The following RGS6 variants were observed in gnomAD, a reference collection of about 807,000 sequenced individuals.
RGS6 encodes the protein regulator of G-protein signaling 6.
A neutral mutation model predicts 78.5 loss-of-function variants in RGS6; 30 were observed. The ratio of observed to expected loss-of-function variants is 0.38; its 90% confidence interval spans 0.29 to 0.52. The LOEUF (loss-of-function observed/expected upper bound fraction) is 0.52. Ranked by LOEUF, RGS6 falls within the 20% of genes least tolerant of loss-of-function variation. The pLI, the probability that RGS6 is intolerant of heterozygous loss-of-function variation, is 0.85. For synonymous variants in RGS6, 206 were observed against 206.0 expected, an observed-to-expected ratio of 1.00 and a Z score of 0.00; for missense variants, 495 against 609.7, an observed-to-expected ratio of 0.81 and a Z score of 1.98.
chr14:72,598,414 G>A, the RGS6 span, among the ~76,000 whole-genome samples: 2 of 152,264 alleles, frequency 1.3e-5, no homozygotes, highest in Admixed American at 6.5e-5. Context: ...TTTGATGCAA[G>A]ATCTGGAGCT....
intron 3 of RGS6, among the ~76,000 whole-genome samples, chr14:72,427,405 A>G (rs1229410530): frequency 6.6e-6 from 1 of 152,208 alleles, no homozygotes; most frequent in Non-Finnish European, 1.5e-5. Flanking sequence ...CTTGGAACAT[A>G]TCCCTTGTGG....
chr14:71,912,896 G>A, the RGS6 span, among the ~76,000 whole-genome samples: 399 of 152,036 alleles, frequency 2.6e-3, 3 homozygotes, highest in Middle Eastern at 0.01. Flanking sequence ...CATGATCTCG[G>A]CTCACTGCAA....
chr14:72,022,677 G>C (rs573401468), intron 2 of RGS6, among the ~76,000 whole-genome samples: 1 of 149,522 alleles, frequency 6.7e-6, no homozygotes, highest in Non-Finnish European at 1.5e-5. Context: ...CCCTGCTGTG[G>C]AGCACCATGG....
chr14:72,445,985 A>G (rs913763299), intron 3 of RGS6, among the ~76,000 whole-genome samples: 1 of 152,192 alleles, frequency 6.6e-6, no homozygotes, highest in African/African-American at 2.4e-5. Flanking sequence ...TGGGCCAGTC[A>G]TCGTGGTTCA....
At chr14:72,101,902 C>T (rs1167812093) in intron 2 of RGS6, among the ~76,000 whole-genome samples, 1 of 152,112 alleles carries the variant, frequency 6.6e-6, no homozygotes. Flanking sequence ...ATTTCCTTTC[C>T]ATCCTCTTCT....
chr14:71,997,321 C>T (rs925170257), intron 2 of RGS6, among the ~76,000 whole-genome samples: 3 of 152,102 alleles, frequency 2.0e-5, no homozygotes, highest in African/African-American at 7.2e-5. Flanking sequence ...TTTGAGATGC[C>T]TGTGGGAAGT....
intron 2 of RGS6, among the ~76,000 whole-genome samples, chr14:72,174,657 T>G (rs1427206130): frequency 6.6e-6 from 1 of 152,134 alleles, no homozygotes; most frequent in African/African-American, 2.4e-5. Context: ...ATACAAGGCC[T>G]ATGTCTTGGT....
At chr14:71,882,028 C>T in the RGS6 span, among the ~76,000 whole-genome samples, 1 of 152,216 alleles carries the variant, frequency 6.6e-6, no homozygotes, top group Non-Finnish European at 1.5e-5. Flanking sequence ...CATTGTTCCA[C>T]AACCATCTCC....
At chr14:72,343,326 A>G (rs1033641736) in intron 2 of RGS6, among the ~76,000 whole-genome samples, 8 of 151,862 alleles carry the variant, frequency 5.3e-5, no homozygotes, top group African/African-American at 1.2e-4. Flanking sequence ...CCCTTCCTCT[A>G]TTTTCAAAAT....
At chr14:72,331,637 A>G (rs2075069085) in intron 2 of RGS6, among the ~76,000 whole-genome samples, 1 of 151,224 alleles carries the variant, frequency 6.6e-6, no homozygotes, top group African/African-American at 2.4e-5. Context: ...CTCTCTCTCC[A>G]TTCCAGTCAT....
intron 3 of RGS6, among the ~76,000 whole-genome samples, chr14:72,452,224 T>TTCTC (rs56308165): frequency 0.016 from 2,401 of 147,998 alleles, 34 homozygotes; most frequent in East Asian, 0.05. Flanking sequence ...CACATATTCA[T>TTCTC]TCTCTCTCTC....
chr14:72,295,018 G>A (rs553125649), intron 2 of RGS6, among the ~76,000 whole-genome samples: 103 of 152,220 alleles, frequency 6.8e-4, no homozygotes, highest in African/African-American at 2.4e-3. Context: ...CAGGCCGGGC[G>A]CGGTGGCTCA....
chr14:72,059,766 A>T (rs74060604), intron 2 of RGS6, among the ~76,000 whole-genome samples: 314 of 152,272 alleles, frequency 2.1e-3, no homozygotes, highest in African/African-American at 7.1e-3. Context: ...ATAAGAGGCC[A>T]TGTGAACACA....
At chr14:72,319,375 A>T (rs1395917647) in intron 2 of RGS6, among the ~76,000 whole-genome samples, 4 of 145,946 alleles carry the variant, frequency 2.7e-5, no homozygotes, top group Admixed American at 6.8e-5. Context: ...TTTGAGACGG[A>T]GTCTCGCCCT....
intron 2 of RGS6, among the ~76,000 whole-genome samples, chr14:72,157,044 C>A (rs533011572): frequency 1.3e-5 from 2 of 152,188 alleles, no homozygotes; most frequent in East Asian, 3.8e-4. Flanking sequence ...TGAAGCTGTT[C>A]TTCACCTTCT....
intron 3 of RGS6, among the ~76,000 whole-genome samples, chr14:72,355,225 C>T (rs1243307794): frequency 4.0e-5 from 6 of 148,740 alleles, no homozygotes; most frequent in African/African-American, 1.5e-4. Flanking sequence ...CAGAGTCTTG[C>T]TCTTGTCACC....
chr14:72,205,235 A>G (rs2042447949), intron 2 of RGS6, among the ~76,000 whole-genome samples: 1 of 151,944 alleles, frequency 6.6e-6, no homozygotes, highest in Non-Finnish European at 1.5e-5. Context: ...GCTCACATTC[A>G]CCACCAAGAT....
chr14:72,170,020 C>T (rs781723237), intron 2 of RGS6, among the ~76,000 whole-genome samples: 1 of 152,150 alleles, frequency 6.6e-6, no homozygotes, highest in Non-Finnish European at 1.5e-5. Context: ...AGGAGAGCCA[C>T]CCAGGAGTGT....
the RGS6 span, among the ~76,000 whole-genome samples, chr14:72,593,073 G>T: frequency 6.6e-6 from 1 of 152,142 alleles, no homozygotes; most frequent in Non-Finnish European, 1.5e-5. Flanking sequence ...GGAGTTGTGG[G>T]CATGCTGGAG....
Sources: allele counts gnomAD v4.1 joint callset (sites outside exome capture counted in the v4.1 genomes callset), GRCh38; gene constraint gnomAD v4.1.1; transcripts MANE v1.5; gene names NCBI Gene and HGNC (gene_info 2026-07-23, HGNC 2026-07-21).